RAB6A: variants seen among roughly 807,000 people sequenced by gnomAD.
RAB6A encodes the protein RAB6A, member RAS oncogene family, also known as ras-related protein Rab-6A.
Under a neutral mutation model 32.3 loss-of-function variants are expected in RAB6A, and 8 were observed. The ratio of observed to expected loss-of-function variants is 0.25; its 90% CI spans 0.15 to 0.45. The LOEUF (loss-of-function observed/expected upper bound fraction) is 0.45, where lower values mean the gene tolerates loss of function less well. Ranked by LOEUF, RAB6A falls within the 20% of genes least tolerant of loss-of-function variation. The pLI is 1.00. For missense variants in RAB6A, 104 were observed against 249.4 expected (o/e 0.42, Z 3.93); for synonymous variants, 73 against 82.1 (o/e 0.89, Z 0.60).
At chr11:73,740,575 C>T (rs1319849554) in intron 1 of RAB6A, among the ~76,000 whole-genome samples, 2 of 150,366 alleles carry the variant, frequency 1.3e-5, no homozygotes, top group East Asian at 2.0e-4. Flanking sequence ...TTTGTTTCTC[C>T]TAAAGTTAAT....
chr11:73,723,290 A>G (rs1301553557), intron 2 of RAB6A, among the ~76,000 whole-genome samples: 3 of 144,478 alleles, frequency 2.1e-5, no homozygotes, highest in African/African-American at 8.0e-5. Flanking sequence ...CTGGGGGGGA[A>G]AAAAAGAAAG....
intron 1 of RAB6A, among the ~76,000 whole-genome samples, chr11:73,737,213 G>C (rs1946411988): frequency 6.6e-6 from 1 of 152,160 alleles, no homozygotes; most frequent in Non-Finnish European, 1.5e-5. Context: ...TTTAGGCTTG[G>C]TGTGTTGGCT....
intron 6 of RAB6A, among the ~76,000 whole-genome samples, chr11:73,704,662 C>T (rs1399916194): frequency 6.9e-5 from 10 of 144,786 alleles, no homozygotes; most frequent in South Asian, 2.2e-4. Flanking sequence ...TCCAGCCTGG[C>T]GACAGAGTGA....
intron 2 of RAB6A, among the ~76,000 whole-genome samples, chr11:73,723,708 C>T (rs1356233245): frequency 6.6e-6 from 1 of 152,024 alleles, no homozygotes; most frequent in Admixed American, 6.6e-5. Context: ...AAAAAGCAGA[C>T]AAGAATCTAT....
intron 2 of RAB6A, among the ~76,000 whole-genome samples, chr11:73,724,309 C>T (rs927626972): frequency 1.3e-5 from 2 of 152,112 alleles, no homozygotes; most frequent in Non-Finnish European, 2.9e-5. Context: ...TGTTGATATA[C>T]ATAGGCAACA....
chr11:73,697,292 T>G (rs1450572513), intron 6 of RAB6A, among the ~76,000 whole-genome samples: 1 of 152,152 alleles, frequency 6.6e-6, no homozygotes, highest in Non-Finnish European at 1.5e-5. Flanking sequence ...TCACCAGTAT[T>G]CTTTATCCTT....
chr11:73,687,682 C>T (rs1268644165), intron 6 of RAB6A, among the ~76,000 whole-genome samples: 1 of 152,108 alleles, frequency 6.6e-6, no homozygotes, highest in African/African-American at 2.4e-5. Flanking sequence ...ATGATGAAAC[C>T]CCGTTTCTTT....
chr11:73,704,460 A>G (rs2134913038), intron 6 of RAB6A, among the ~76,000 whole-genome samples: 1 of 152,032 alleles, frequency 6.6e-6, no homozygotes. Flanking sequence ...CGAGGCAGGC[A>G]GATCACGAGG....
At chr11:73,727,426 T>C (rs1175887174) in intron 2 of RAB6A, among the ~76,000 whole-genome samples, 1 of 100,838 alleles carries the variant, frequency 9.9e-6, no homozygotes, top group African/African-American at 2.8e-5. Context: ...ACTCTATCTC[T>C]TGGAAAAAAA....
At chr11:73,701,185 A>G (rs1256421522) in intron 6 of RAB6A, among the ~76,000 whole-genome samples, 1 of 152,248 alleles carries the variant, frequency 6.6e-6, no homozygotes, top group African/African-American at 2.4e-5. Flanking sequence ...TGGTACCTAT[A>G]GTACTGATAA....
intron 2 of RAB6A, among the ~76,000 whole-genome samples, chr11:73,721,129 C>G (rs780856436): frequency 6.6e-6 from 1 of 152,212 alleles, no homozygotes; most frequent in Non-Finnish European, 1.5e-5. Flanking sequence ...ATGATCATCT[C>G]TAATCTTTAT....
rs186141976 is a variant in RAB6A, at chr11:73,744,451, T to C, written c.71-13628A>G. ...ACTTGAGCCCAGGAGGTCAAGGCTG[T>C]AGTATACTGTGATGACACCACTGCA... On this transcript the variant is annotated intron_variant, in intron 1 of 7. Coordinates refer to ENST00000336083, the MANE Select transcript of RAB6A (RefSeq NM_198896.2). 1.5e-3 allele frequency among the ~76,000 whole-genome samples: 202 copies of C among 131,108 alleles called. 2 individuals are homozygous for C. The highest frequency in any genetic ancestry group is 5.6e-3 in the Middle Eastern group (1 of 180). The allele number at this position is 131,108 out of a possible 152,430, so 86.0% of individuals were successfully genotyped here. A position where few individuals can be genotyped will look rare whatever the true frequency, so the allele number is the denominator to read the frequency against.
intron 2 of RAB6A, among the ~76,000 whole-genome samples, chr11:73,728,634 T>TAATAATAATAATAATAATAA (rs1946260347): frequency 1.4e-5 from 2 of 147,834 alleles, no homozygotes; most frequent in South Asian, 4.2e-4. Flanking sequence ...ATAATAATAA[T>TAATAATAATAATAATAATAA]AATAATAATA....
chr11:73,690,011 G>T (rs935066521), intron 6 of RAB6A, among the ~76,000 whole-genome samples: 16 of 152,072 alleles, frequency 1.1e-4, no homozygotes, highest in African/African-American at 3.6e-4. Context: ...TCTGGAGGAG[G>T]GGAAAACTTC....
intron 1 of RAB6A, among the ~76,000 whole-genome samples, chr11:73,742,645 C>A (rs1199170262): frequency 1.3e-5 from 2 of 152,040 alleles, no homozygotes; most frequent in African/African-American, 4.8e-5. Flanking sequence ...AACCCCGTCG[C>A]TACTAAAAAT....
intron 6 of RAB6A, among the ~76,000 whole-genome samples, chr11:73,696,461 T>TA (rs1170843396): frequency 6.6e-6 from 1 of 152,166 alleles, no homozygotes; most frequent in Admixed American, 6.6e-5. Flanking sequence ...CCCCAAGGTG[T>TA]AGGGATTACA....
At chr11:73,717,115 A>C (rs1946064206) in intron 4 of RAB6A, among the ~76,000 whole-genome samples, 1 of 152,208 alleles carries the variant, frequency 6.6e-6, no homozygotes, top group Non-Finnish European at 1.5e-5. Context: ...TTTTTTAAAC[A>C]AACAGCAACC....
intron 6 of RAB6A, among the ~76,000 whole-genome samples, chr11:73,706,001 A>G (rs1945835916): frequency 6.6e-6 from 1 of 152,170 alleles, no homozygotes; most frequent in Admixed American, 6.6e-5. Flanking sequence ...ATTCTAAGCA[A>G]AGGAAACAAA....
chr11:73,743,752 C>T (rs1446155842), intron 1 of RAB6A, among the ~76,000 whole-genome samples: 2 of 152,136 alleles, frequency 1.3e-5, no homozygotes, highest in Non-Finnish European at 2.9e-5. Context: ...ATACTATGTA[C>T]TTTAGAGGCT....
Sources: allele counts gnomAD v4.1 joint callset (sites outside exome capture counted in the v4.1 genomes callset), GRCh38; gene constraint gnomAD v4.1.1; transcripts MANE v1.5; gene names NCBI Gene and HGNC (gene_info 2026-07-23, HGNC 2026-07-21).